PAX7: variants seen among roughly 807,000 people sequenced by gnomAD.
PAX7 encodes paired box 7.
In PAX7, 18 loss-of-function variants were observed where a neutral mutation model predicts 50.7. That is an observed-to-expected ratio of 0.36 (90% CI 0.25 to 0.53). PAX7 has a LOEUF of 0.53. PAX7 is among the 20% of genes least tolerant of loss of function. The pLI, the probability that PAX7 is intolerant of heterozygous loss-of-function variation, is 0.93. For missense variants in PAX7, 644 were observed against 702.9 expected, an observed-to-expected ratio of 0.92 and a Z score of 0.95; for synonymous variants, 310 against 290.4, an observed-to-expected ratio of 1.07 and a Z score of -0.69.
intron 4 of PAX7, among the ~76,000 whole-genome samples, chr1:18,673,806 T>A (rs879174006): frequency 1.7e-4 from 26 of 152,258 alleles, no homozygotes; most frequent in Middle Eastern, 3.4e-3. Context: ...TTTGGAGCCA[T>A]AATGAAGACA....
rs537638588 is a variant in PAX7, at chr1:18,659,191, C to G, written c.586+22820C>G. Among the ~76,000 whole-genome samples, 264 of 152,304 alleles carry G rather than the reference C, an allele frequency of 1.7e-3. 2 individuals carry two copies. Among genetic ancestry groups the G allele is most frequent in the African/African-American group, 6.0e-3 (251 of 41,568 alleles). On this transcript the variant is annotated intron_variant, in intron 4 of 8. Coordinates refer to ENST00000420770, the MANE Select transcript of PAX7 (RefSeq NM_001135254.2). ...TTCAGCTCCTGCACCAGATTAGGAC[C>G]TTCTTTGAGAGCAAGGACCAGTCAA...
At chr1:18,695,664 C>A (rs2089141177) in intron 5 of PAX7, among the ~76,000 whole-genome samples, 1 of 152,180 alleles carries the variant, frequency 6.6e-6, no homozygotes, top group South Asian at 2.1e-4. Flanking sequence ...GGCAGGAGAA[C>A]CCATGCCTGG....
At chr1:18,645,898 A>C (rs145198905) in intron 4 of PAX7, among the ~76,000 whole-genome samples, 2 of 152,174 alleles carry the variant, frequency 1.3e-5, no homozygotes, top group Admixed American at 1.3e-4. Flanking sequence ...CTAACTCAGG[A>C]AGCTGGTCTC....
Position 18,735,932 on chromosome 1 carries a change from A to G in PAX7, c.1402+54A>G, listed in dbSNP as rs777260037. The G allele has an allele frequency of 1.9e-6, 3 of 1,613,532 alleles. No individual in the cohort carries two copies. The highest frequency in any genetic ancestry group is 2.5e-6 in the Non-Finnish European group (3 of 1,179,966). ...CGTCCCCATTCCTTCTCCCACCCCC[A>G]GGGCCTCCTGCTTGTTTATGGAGAG... On this transcript the variant is annotated intron_variant, in intron 8 of 8. Transcript: ENST00000420770. This position sits in a 1 kb window ranked among gnomAD's most constrained non-coding sequence, Gnocchi z 4.0.
chr1:18,657,989 C>T (rs543647555), intron 4 of PAX7, among the ~76,000 whole-genome samples: 4 of 152,102 alleles, frequency 2.6e-5, no homozygotes, highest in Admixed American at 6.5e-5. Context: ...CCCCCAGGGC[C>T]GACGCATGAA....
intron 6 of PAX7, among the ~76,000 whole-genome samples, chr1:18,702,177 C>CA (rs3833994): frequency 0.57 from 82,946 of 146,394 alleles, 24,580 homozygotes; most frequent in African/African-American, 0.76. Context: ...ACTAAAAATA[C>CA]AAAAAAAAAA....
In PAX7 at chr1:18,636,437, G is replaced by C; in HGVS notation, c.586+66G>C. On this transcript the variant is annotated intron_variant, in intron 4 of 8. Coordinates refer to ENST00000420770, the MANE Select transcript of PAX7 (RefSeq NM_001135254.2). This position sits in a 1 kb window ranked among gnomAD's most constrained non-coding sequence, Gnocchi z 5.1. ...TTCCCACGCTCCGGTGTGCGGGCCA[G>C]TGGTTCGCTCCCGCCGCCGGAGCAG... 1 of 1,554,362 alleles carries C rather than the reference G, an allele frequency of 6.4e-7. No individual in the cohort carries two copies. The highest frequency in any genetic ancestry group is 2.0e-5 in the Admixed American group (1 of 51,148).
At chr1:18,651,330 T>A (rs2088427058) in intron 4 of PAX7, among the ~76,000 whole-genome samples, 2 of 152,208 alleles carry the variant, frequency 1.3e-5, no homozygotes, top group African/African-American at 4.8e-5. Context: ...AAAATGTATA[T>A]GCATATATTT....
chr1:18,700,164 A>G lies in PAX7; in HGVS notation c.787-489A>G, dbSNP rs551464125. Reference sequence around the variant, plus strand: ...GGGTGTGTAAGCAAAGTAGGGCCTCAGTCTCCAGAGAAAGAACCCGGCTTG... The same window carrying G: ...GGGTGTGTAAGCAAAGTAGGGCCTCGGTCTCCAGAGAAAGAACCCGGCTTG... On this transcript the variant is annotated intron_variant, in intron 5 of 8. Transcript: ENST00000420770. The surrounding 1 kb of genome is among the most constrained non-coding windows in gnomAD (Gnocchi z 4.8). Among the ~76,000 whole-genome samples the G allele has an allele frequency of 9.4e-4, 142 of 151,174 alleles. No homozygotes were observed. Among genetic ancestry groups the G allele is most frequent in the African/African-American group, 3.3e-3 (136 of 41,134 alleles).
intron 5 of PAX7, among the ~76,000 whole-genome samples, chr1:18,698,876 G>A (rs897948005): frequency 2.0e-5 from 3 of 152,050 alleles, no homozygotes; most frequent in Non-Finnish European, 4.4e-5. Flanking sequence ...TTTCCCACCC[G>A]GGAAGGATGG....
chr1:18,724,623 A>C (rs1002646537), intron 7 of PAX7, among the ~76,000 whole-genome samples: 1 of 152,190 alleles, frequency 6.6e-6, no homozygotes, highest in Non-Finnish European at 1.5e-5. Context: ...GCCCTGCAGC[A>C]AGGCCCCTGG....
At chr1:18,708,989 G>T (rs113189500) in intron 7 of PAX7, among the ~76,000 whole-genome samples, 1 of 152,124 alleles carries the variant, frequency 6.6e-6, no homozygotes, top group African/African-American at 2.4e-5. Flanking sequence ...TGCCAGTTTC[G>T]AGGGTCCCTT....
rs548057901 is a variant in PAX7, at chr1:18,697,230, T to C, written c.787-3423T>C. Among the ~76,000 whole-genome samples the C allele has an allele frequency of 3.3e-5, 5 of 152,254 alleles. No individual in the cohort carries two copies. In the South Asian group the frequency reaches 1.0e-3, roughly 32 times the overall value. ...CCAGCGCAGGGTATTGAGAGAAGGA[T>C]CAGAAATGAAGAATAAAACCCAGCG... On this transcript the variant is annotated intron_variant, in intron 5 of 8. Coordinates refer to ENST00000420770, the MANE Select transcript of PAX7 (RefSeq NM_001135254.2).
At chr1:18,675,132 C>T (rs2088806775) in intron 4 of PAX7, among the ~76,000 whole-genome samples, 1 of 152,106 alleles carries the variant, frequency 6.6e-6, no homozygotes, top group African/African-American at 2.4e-5. Context: ...AGTCCTCTTC[C>T]CACGAGATGA....
chr1:18,729,348 G>A (rs1398233462), intron 7 of PAX7, among the ~76,000 whole-genome samples: 8 of 152,162 alleles, frequency 5.3e-5, no homozygotes, highest in Non-Finnish European at 1.2e-4. Flanking sequence ...AGGAGGGAGT[G>A]GCAGTAATCC....
Position 18,648,195 on chromosome 1 carries a change from C to G in PAX7, c.586+11824C>G, listed in dbSNP as rs557577779. ...GTGACACAGGCTCCTACCTGACTGG[C>G]CCCCAGTCACCTCCCCTCCCCAACC... On this transcript the variant is annotated intron_variant, in intron 4 of 8. Transcript: ENST00000420770. 8.7e-4 allele frequency among the ~76,000 whole-genome samples: 132 copies of G among 152,094 alleles called. 2 individuals are homozygous for G. The South Asian group carries it at 0.01, about 12-fold the overall frequency.
chr1:18,742,149 T>TATTC (rs1491407547), intron 8 of PAX7, among the ~76,000 whole-genome samples: 4 of 15,754 alleles, frequency 2.5e-4, no homozygotes, highest in Non-Finnish European at 1.2e-4. Flanking sequence ...ATGAGGCTTC[T>TATTC]TTTTTTTTTT....
In PAX7 at chr1:18,725,686, G is replaced by T. The variant is rs190372081; in HGVS notation, c.1156-9946G>T. 2.0e-3 allele frequency among the ~76,000 whole-genome samples: 298 copies of T among 152,252 alleles called. 1 individual carries two copies. The highest frequency in any genetic ancestry group is 5.6e-3 in the Admixed American group (86 of 15,294). ...TTTAAATAGTCATATCTTTTCCAGCGATCGGCCCCTTCCCCCCGAGCCTCG... is the reference window on the plus strand; with the variant it reads ...TTTAAATAGTCATATCTTTTCCAGCTATCGGCCCCTTCCCCCCGAGCCTCG... On this transcript the variant is annotated intron_variant, in intron 7 of 8. Coordinates refer to ENST00000420770, the MANE Select transcript of PAX7 (RefSeq NM_001135254.2).
chr1:18,707,270 GA>G (rs2089295233), intron 7 of PAX7, among the ~76,000 whole-genome samples: 1 of 152,104 alleles, frequency 6.6e-6, no homozygotes, highest in Non-Finnish European at 1.5e-5. Flanking sequence ...AAGGACAGCT[GA>G]ATTTTCTGGA....
Sources: gnomAD v4.1 joint callset for allele counts (sites outside exome capture counted in the v4.1 genomes callset) on GRCh38, gnomAD v4.1.1 for gene constraint, Gnocchi (gnomAD v3.1) non-coding constraint, MANE v1.5 for transcripts, NCBI Gene and HGNC (gene_info 2026-07-23, HGNC 2026-07-21) for gene names.